The following MATK variants were observed in gnomAD, a reference collection of about 807,000 sequenced individuals.
The protein encoded by MATK is megakaryocyte-associated tyrosine kinase, also known as megakaryocyte-associated tyrosine-protein kinase.
Under a neutral mutation model 59.8 loss-of-function variants are expected in MATK, and 41 were observed. The ratio of observed to expected loss-of-function variants is 0.69; its 90% CI spans 0.53 to 0.89. The LOEUF is 0.89. Ranked by LOEUF, MATK falls within the 40% of genes least tolerant of loss-of-function variation. MATK has a pLI of 0.00. For missense variants in MATK, 593 were observed against 719.6 expected (o/e 0.82, Z 2.01); for synonymous variants, 308 against 306.1 (o/e 1.01, Z -0.06).
upstream of MATK, chr19:3,787,815 G>A (rs1356871366): frequency 6.7e-6 from 1 of 148,702 alleles, no homozygotes; most frequent in Non-Finnish European, 1.5e-5. Flanking sequence ...AAGGCTGTGT[G>A]TCTGGACTTG....
chr19:3,794,127 ACCCTCCCTGGC>A (rs1356941129), intron 1 of MATK, among the ~76,000 whole-genome samples: 1 of 151,306 alleles, frequency 6.6e-6, no homozygotes, highest in African/African-American at 2.4e-5. Context: ...TCTCCAAGAG[ACCCTCCCTGGC>A]CACCCCACAG....
At chr19:3,792,989 T>C (rs1048552364) in intron 1 of MATK, 2 of 152,182 alleles carry the variant, frequency 1.3e-5, no homozygotes, top group Non-Finnish European at 2.9e-5. Flanking sequence ...AACCTTTAAA[T>C]TTAGCTTCCT....
In MATK at chr19:3,778,575, A is replaced by G. The variant is rs748847365; in HGVS notation, c.1218T>C (p.Asp406=). The G allele has an allele frequency of 6.2e-7, 1 of 1,613,268 alleles. No individual in the cohort carries two copies. Among genetic ancestry groups the G allele is most frequent in the Admixed American group, 1.7e-5 (1 of 59,936 alleles). ...AGAGCAGCACCCCAAAACTCCAGAC[A>G]TCCGACTTGCTGGTGAACTTCTGTG... ...LKHGKFTSKS[D]VWSFGVLLWE... is the part of the protein sequence containing the mutation. Residue 406 remains aspartate, a synonymous_variant, in exon 13 of 14, where the codon GAT becomes GAC. Transcript: ENST00000310132.
Position 3,778,503 on chromosome 19 carries a change from G to A in MATK, c.1284+6C>T, listed in dbSNP as rs1262607288. 6 of 1,613,822 alleles carry A rather than the reference G, an allele frequency of 3.7e-6. No individual in the cohort carries two copies. The South Asian group carries it at 4.4e-5, about 12-fold the overall frequency. On this transcript the variant is annotated splice_donor_region_variant and intron_variant, in intron 13 of 13. Coordinates refer to ENST00000310132, the MANE Select transcript of MATK (RefSeq NM_139355.3). ...AACCCAGTGCCTCCCTGGGACCCCC[G>A]CTCACCATTTTAGGGTACGGAGCCC...
At chr19:3,785,459 CAA>C (rs1447957095) in intron 1 of MATK, among the ~76,000 whole-genome samples, 173 bp from the exon 2 acceptor site, 2 of 152,044 alleles carry the variant, frequency 1.3e-5, no homozygotes, top group Non-Finnish European at 2.9e-5. Flanking sequence ...GACAGACACA[CAA>C]AGTCACTCAT....
At position 3,779,484 on chromosome 19, in the gene MATK, G is replaced by C. The variant is rs773607726; in HGVS notation, c.928-33C>G. 5.0e-6 allele frequency: 8 copies of C among 1,612,216 alleles called. No individual in the cohort carries two copies. The African/African-American group carries it at 9.3e-5, about 19-fold the overall frequency. On this transcript the variant is annotated intron_variant, in intron 10 of 13. Transcript: ENST00000310132. ...GGGTGGGAGATGGCCGCGGGATGTT[G>C]GGGCTGCTCCGCTGCGTGGGCCCCC...
At chr19:3,778,724 C>A (rs2037354684) in intron 12 of MATK, 129 bp from the exon 13 acceptor site, 2 of 1,062,584 alleles carry the variant, frequency 1.9e-6, no homozygotes. Context: ...CCTCCCCCAA[C>A]GCCGCCCGCA....
At chr19:3,801,323 C>T (rs948621220) in intron 1 of MATK, among the ~76,000 whole-genome samples, 1 of 152,176 alleles carries the variant, frequency 6.6e-6, no homozygotes, top group African/African-American at 2.4e-5. Flanking sequence ...CCAAACGACC[C>T]CCGAGCCTGG....
intron 3 of MATK, 165 bp downstream of exon 3, chr19:3,784,660 C>A: frequency 1.4e-6 from 1 of 692,622 alleles, no homozygotes; most frequent in Non-Finnish European, 2.6e-6. Context: ...GAGAGGCGGC[C>A]TGGGACAGAA....
chr19:3,778,447 G>C (rs779477464), intron 13 of MATK, 25 bp from the exon 14 acceptor site: 8 of 1,613,416 alleles, frequency 5.0e-6, no homozygotes, highest in African/African-American at 1.3e-5. Context: ...CGTGGGCAGG[G>C]GTCAGGGCCA....
intron 7 of MATK, among the ~76,000 whole-genome samples, chr19:3,782,526 CT>C (rs2037415884): frequency 6.6e-6 from 1 of 152,210 alleles, no homozygotes. Flanking sequence ...TATACAATGG[CT>C]CAGAGGCATG....
intron 3 of MATK, 123 bp from the exon 4 acceptor site, chr19:3,784,574 C>T: frequency 1.5e-6 from 1 of 684,640 alleles, no homozygotes; most frequent in Non-Finnish European, 2.5e-6. Flanking sequence ...AGCGGAGAGG[C>T]AGAGAAAACA....
At chr19:3,780,593 ATT>A (rs753906037) in intron 8 of MATK, among the ~76,000 whole-genome samples, 254 of 122,184 alleles carry the variant, frequency 2.1e-3, no homozygotes, top group Non-Finnish European at 2.6e-3. Context: ...CGCCCGGCTA[ATT>A]TTTTTTTTTT....
intron 1 of MATK, among the ~76,000 whole-genome samples, chr19:3,799,736 G>C (rs980052218): frequency 2.0e-5 from 3 of 152,110 alleles, no homozygotes; most frequent in African/African-American, 4.8e-5. Context: ...AGCTACTTGG[G>C]AGGCTGAGGC....
In MATK at chr19:3,778,297, G is replaced by A. The variant is rs1235234192; in HGVS notation, c.1410C>T (p.Pro470=). 3 of 1,576,088 alleles carry A rather than the reference G, an allele frequency of 1.9e-6. No homozygotes were observed. The highest frequency in any genetic ancestry group is 2.3e-5 in the South Asian group (2 of 86,698). The change falls in exon 14 of 14, where the codon CCC becomes CCT. Residue 470 remains proline (P), a synonymous_variant. Transcript: ENST00000310132. ...CCAGCTTCTCGGCCAGTTTGCGGAA[G>A]GGTGGCCGGCGGGCGGGCTCTGCCT... ...CWEAEPARRP[P]FRKLAEKLAR...
chr19:3,783,684 G>C (rs1321152804), intron 6 of MATK, 130 bp downstream of exon 6: 1 of 783,226 alleles, frequency 1.3e-6, no homozygotes, highest in Non-Finnish European at 2.1e-6. Flanking sequence ...GGTAGGGATG[G>C]TGTCTGCCCA....
upstream of MATK, among the ~76,000 whole-genome samples, chr19:3,788,100 ATATTATATT>A (rs1568409367): frequency 3.3e-3 from 249 of 74,898 alleles, no homozygotes; most frequent in Middle Eastern, 0.025. Flanking sequence ...ATTAATATTT[ATATTATATT>A]ATATTATATT....
upstream of MATK, among the ~76,000 whole-genome samples, chr19:3,788,886 T>C (rs1271351726): frequency 3.9e-5 from 6 of 152,094 alleles, no homozygotes; most frequent in African/African-American, 1.2e-4. Context: ...GAAACAGGGT[T>C]TCACCATATT....
rs750432316 is a variant in MATK, at chr19:3,781,583, C to A, written c.742+24G>T. 1.1e-5 allele frequency: 18 copies of A among 1,612,900 alleles called. No individual in the cohort carries two copies. In the African/African-American group the frequency reaches 2.1e-4, roughly 19 times the overall value. On this transcript the variant is annotated intron_variant, in intron 8 of 13. Coordinates refer to ENST00000310132, the MANE Select transcript of MATK (RefSeq NM_139355.3). ...ACGCACCTCCCATCTTCCTTCAGCA[C>A]CCCCAACCCAGTCCGCCACTCACCT... is the stretch of plus-strand genomic sequence containing the variant.
Sources: gnomAD v4.1 joint callset for allele counts (sites outside exome capture counted in the v4.1 genomes callset) on GRCh38, gnomAD v4.1.1 for gene constraint, MANE v1.5 for transcripts, NCBI Gene and HGNC (gene_info 2026-07-23, HGNC 2026-07-21) for gene names.